PCDH15: variants seen among roughly 807,000 people sequenced by gnomAD.
The protein encoded by PCDH15 is protocadherin related 15.
PCDH15 carries 129 observed loss-of-function variants against 178.5 expected under a neutral mutation model. The observed-to-expected ratio is 0.72, with a 90% CI of 0.63 to 0.84. The LOEUF is 0.84. Among genes scored for constraint, PCDH15 ranks in the 40% least tolerant of loss-of-function variants. PCDH15 has a pLI of 0.00. For missense variants in PCDH15, 2,230 were observed against 2,099.9 expected, an observed-to-expected ratio of 1.06 and a Z score of -1.21; for synonymous variants, 800 against 732.0, an observed-to-expected ratio of 1.09 and a Z score of -1.50.
intron 8 of PCDH15, among the ~76,000 whole-genome samples, chr10:54,266,785 T>C (rs2057720559): frequency 6.6e-6 from 1 of 151,170 alleles, no homozygotes; most frequent in South Asian, 2.1e-4. Context: ...CAACAATGAG[T>C]TACAGAATTG....
chr10:54,478,221 T>C (rs1416199774), intron 3 of PCDH15, among the ~76,000 whole-genome samples: 3 of 152,116 alleles, frequency 2.0e-5, no homozygotes, highest in Non-Finnish European at 4.4e-5. Context: ...AGTTGGCGCA[T>C]TTTGATGAGA....
intron 35 of PCDH15, among the ~76,000 whole-genome samples, chr10:53,813,622 G>A (rs1376432293): frequency 1.3e-5 from 2 of 152,080 alleles, no homozygotes; most frequent in African/African-American, 2.4e-5. Flanking sequence ...ATACCCAACA[G>A]AAACATGTAC....
intron 2 of PCDH15, among the ~76,000 whole-genome samples, chr10:54,578,134 A>C (rs2090693866): frequency 6.6e-6 from 1 of 151,890 alleles, no homozygotes; most frequent in African/African-American, 2.4e-5. Flanking sequence ...TGATTAGCCT[A>C]CTCCTTAGCC....
chr10:54,052,835 G>A (rs1339207102), intron 18 of PCDH15, among the ~76,000 whole-genome samples: 1 of 152,082 alleles, frequency 6.6e-6, no homozygotes, highest in East Asian at 1.9e-4. Flanking sequence ...GAACCCAGTG[G>A]GAGGTAATTG....
chr10:55,058,573 C>T (rs1489881378), intron 2 of PCDH15, among the ~76,000 whole-genome samples: 2 of 152,036 alleles, frequency 1.3e-5, no homozygotes, highest in Non-Finnish European at 2.9e-5. Context: ...CTAACGTGTA[C>T]CGTGTAGAAT....
At chr10:54,797,507 AACACACACAC>A (rs71014418) in intron 1 of PCDH15, among the ~76,000 whole-genome samples, 43,558 of 145,146 alleles carry the variant, frequency 0.3, 6,568 homozygotes, top group Middle Eastern at 0.39. Flanking sequence ...TTATTGTTGA[AACACACACAC>A]ACACACACAC....
intron 28 of PCDH15, among the ~76,000 whole-genome samples, chr10:53,853,865 T>A (rs2078554621): frequency 1.3e-5 from 2 of 152,026 alleles, no homozygotes; most frequent in African/African-American, 4.8e-5. Flanking sequence ...GAAAACAATT[T>A]TCTTTAAATT....
At chr10:55,331,564 G>A (rs559032345) in intron 2 of PCDH15, among the ~76,000 whole-genome samples, 3 of 152,076 alleles carry the variant, frequency 2.0e-5, no homozygotes, top group East Asian at 3.9e-4. Context: ...AGTGGTTGTA[G>A]GGGAGAGTCT....
chr10:53,872,794 A>G (rs1305487835), intron 26 of PCDH15, among the ~76,000 whole-genome samples: 1 of 152,210 alleles, frequency 6.6e-6, no homozygotes, highest in African/African-American at 2.4e-5. Context: ...AGAGATAAGG[A>G]AGCTCTAATT....
chr10:54,542,104 T>C (rs2085304168), intron 2 of PCDH15, among the ~76,000 whole-genome samples: 1 of 152,244 alleles, frequency 6.6e-6, no homozygotes, highest in Non-Finnish European at 1.5e-5. Context: ...TTGTGACAGA[T>C]GTTAGCATGA....
At chr10:55,612,557 C>A (rs926792655) in intron 2 of PCDH15, among the ~76,000 whole-genome samples, 21 of 152,060 alleles carry the variant, frequency 1.4e-4, no homozygotes, top group African/African-American at 4.8e-4. Flanking sequence ...TCCCATTATA[C>A]TGAAATTTTA....
chr10:55,057,768 AT>A (rs1423635823), intron 2 of PCDH15, among the ~76,000 whole-genome samples: 3 of 152,186 alleles, frequency 2.0e-5, no homozygotes, highest in Non-Finnish European at 4.4e-5. Flanking sequence ...TACTGGAGAA[AT>A]TCAAGCCAAA....
chr10:53,868,737 A>G (rs2079623611), intron 26 of PCDH15, among the ~76,000 whole-genome samples: 1 of 152,202 alleles, frequency 6.6e-6, no homozygotes, highest in Non-Finnish European at 1.5e-5. Context: ...CCAGATAATC[A>G]TATCTACTTG....
At chr10:54,428,703 G>A (rs10825327) in intron 3 of PCDH15, among the ~76,000 whole-genome samples, 23,170 of 152,108 alleles carry the variant, frequency 0.15, 1,867 homozygotes, top group Middle Eastern at 0.24. Context: ...GAACAAACAA[G>A]CAAACACATA....
chr10:54,971,711 C>G (rs1838937320), intron 2 of PCDH15, among the ~76,000 whole-genome samples: 1 of 152,160 alleles, frequency 6.6e-6, no homozygotes, highest in African/African-American at 2.4e-5. Context: ...TTGCGTATCA[C>G]CAGAATCTAC....
intron 2 of PCDH15, among the ~76,000 whole-genome samples, chr10:55,412,823 T>C (rs1838373362): frequency 6.6e-6 from 1 of 151,256 alleles, no homozygotes; most frequent in Non-Finnish European, 1.5e-5. Flanking sequence ...GGAGTACACG[T>C]TGCTGCATAC....
rs977633719 is a variant in PCDH15, at chr10:54,399,895, G to T, written c.158-20953C>A. ...GCCTACGTGGTTCACAATCTCAGGA[G>T]TTGCCAAAATCAGACCTAGAGAGTA... On this transcript the variant is annotated intron_variant, in intron 3 of 37. Transcript: ENST00000644397. Among the ~76,000 whole-genome samples, 8 of 152,220 alleles carry T rather than the reference G, an allele frequency of 5.3e-5. No homozygotes were observed. In the East Asian group the frequency reaches 1.2e-3, roughly 22 times the overall value.
intron 10 of PCDH15, among the ~76,000 whole-genome samples, chr10:54,203,103 A>C (rs1052878049): frequency 6.6e-6 from 1 of 152,194 alleles, no homozygotes; most frequent in Admixed American, 6.5e-5. Context: ...AAAACTCCAG[A>C]TAATACAGTG....
chr10:54,393,400 T>G (rs1423033036), intron 3 of PCDH15, among the ~76,000 whole-genome samples: 1 of 152,204 alleles, frequency 6.6e-6, no homozygotes, highest in Non-Finnish European at 1.5e-5. Flanking sequence ...TTTTAGCACT[T>G]ACCATATCAT....
Sources: gnomAD v4.1 joint callset for allele counts (sites outside exome capture counted in the v4.1 genomes callset) on GRCh38, gnomAD v4.1.1 for gene constraint, MANE v1.5 for transcripts, NCBI Gene and HGNC (gene_info 2026-07-23, HGNC 2026-07-21) for gene names.